RBFOX1: variants seen among roughly 807,000 people sequenced by gnomAD.
The protein encoded by RBFOX1 is RNA binding fox-1 homolog 1.
Under a neutral mutation model 57.7 loss-of-function variants are expected in RBFOX1, and 8 were observed. The observed-to-expected ratio is 0.14, with a 90% confidence interval of 0.08 to 0.25. The LOEUF is 0.25. RBFOX1 is among the 10% of genes least tolerant of loss of function. RBFOX1 has a pLI of 1.00. For missense variants in RBFOX1, 611 were observed against 548.5 expected, an observed-to-expected ratio of 1.11 and a Z score of -1.14; for synonymous variants, 326 against 222.4, an observed-to-expected ratio of 1.47 and a Z score of -4.15.
rs547440083 is a variant in RBFOX1 at position 6,426,250 on chromosome 16, T to A, written c.-64+109193T>A. On this transcript the variant is annotated intron_variant, in intron 2 of 15. Coordinates refer to ENST00000550418, the MANE Select transcript of RBFOX1 (RefSeq NM_018723.4). Reference sequence around the variant, plus strand: ...CAATAGACAAACATAGAAAGGCAGGTTCAAAAACAGATGGGGAGATGAAGA... The same window carrying A: ...CAATAGACAAACATAGAAAGGCAGGATCAAAAACAGATGGGGAGATGAAGA... Among the ~76,000 whole-genome samples the A allele has an allele frequency of 2.0e-5, 3 of 151,030 alleles. No individual in the cohort carries two copies. The South Asian group carries it at 6.3e-4, about 32-fold the overall frequency.
intron 1 of RBFOX1, among the ~76,000 whole-genome samples, chr16:6,244,621 TG>T (rs2097559115): frequency 6.6e-6 from 1 of 152,204 alleles, no homozygotes; most frequent in African/African-American, 2.4e-5. Context: ...GCAATTCTCC[TG>T]CCTCAGCCTC....
intron 2 of RBFOX1, among the ~76,000 whole-genome samples, chr16:6,373,503 T>C (rs928351175): frequency 1.2e-4 from 18 of 150,946 alleles, no homozygotes; most frequent in Admixed American, 2.6e-4. Flanking sequence ...GGAGATTCAG[T>C]GGAAATGTAT....
At chr16:6,567,600 G>A (rs552063397) in intron 2 of RBFOX1, among the ~76,000 whole-genome samples, 1 of 152,202 alleles carries the variant, frequency 6.6e-6, no homozygotes, top group South Asian at 2.1e-4. Flanking sequence ...GTCCACTTGA[G>A]AACAAAGGAA....
At chr16:7,654,007 C>T (rs905065679) in intron 12 of RBFOX1, 60 bp downstream of exon 12, 30 of 1,434,506 alleles carry the variant, frequency 2.1e-5, no homozygotes, top group Non-Finnish European at 2.7e-5. Context: ...CCCAGAGGCA[C>T]GGAGCTGTTT....
At chr16:5,634,901 A>G (rs2048632287) in intron 3 of RBFOX1, among the ~76,000 whole-genome samples, 1 of 152,214 alleles carries the variant, frequency 6.6e-6, no homozygotes, top group African/African-American at 2.4e-5. Context: ...TTATATGTCT[A>G]TTCCAGGACG....
intron 2 of RBFOX1, among the ~76,000 whole-genome samples, chr16:6,492,343 G>T (rs932387717): frequency 3.4e-4 from 51 of 152,192 alleles, no homozygotes; most frequent in African/African-American, 1.2e-3. Context: ...GCCAAGGAAG[G>T]AGGATCATGA....
chr16:6,438,275 C>T (rs916513748), intron 2 of RBFOX1, among the ~76,000 whole-genome samples: 22 of 152,154 alleles, frequency 1.4e-4, no homozygotes, highest in African/African-American at 5.1e-4. Flanking sequence ...AAATTGTATC[C>T]TGAGAGAAAC....
chr16:6,635,424 C>T (rs2098423651), intron 2 of RBFOX1, among the ~76,000 whole-genome samples: 3 of 151,952 alleles, frequency 2.0e-5, no homozygotes, highest in Admixed American at 2.0e-4. Flanking sequence ...AGACTTGGTG[C>T]CACAAGGAAC....
At chr16:6,300,017 C>G (rs927453245) in intron 1 of RBFOX1, among the ~76,000 whole-genome samples, 1 of 152,190 alleles carries the variant, frequency 6.6e-6, no homozygotes, top group African/African-American at 2.4e-5. Flanking sequence ...CTTCAAAAGA[C>G]AAGGACATTC....
intron 3 of RBFOX1, among the ~76,000 whole-genome samples, chr16:6,916,610 A>G (rs1456197076): frequency 6.6e-6 from 1 of 152,154 alleles, no homozygotes; most frequent in Non-Finnish European, 1.5e-5. Flanking sequence ...TCCATCTTGC[A>G]ACGCTATTGG....
In RBFOX1 at chr16:5,820,910, C is replaced by T. The variant is rs139229823; in HGVS notation, c.319-46393C>T. On this transcript the variant is annotated intron_variant, in intron 3 of 19. Transcript: ENST00000641259. ...GATTGATGGTTTTCCCAACCTCAGG[C>T]TCCACAATGCCACACGTTTAAGGGG... 3.8e-3 allele frequency among the ~76,000 whole-genome samples: 585 copies of T among 152,292 alleles called. 6 individuals are homozygous for T. Among genetic ancestry groups the T allele is most frequent in the African/African-American group, 0.013 (553 of 41,560 alleles).
At chr16:7,240,612 T>C (rs2094006693) in intron 4 of RBFOX1, among the ~76,000 whole-genome samples, 1 of 152,158 alleles carries the variant, frequency 6.6e-6, no homozygotes, top group Admixed American at 6.5e-5. Flanking sequence ...TGGAGTACAG[T>C]GGTATGATCA....
At chr16:6,978,105 T>C (rs2087608231) in intron 3 of RBFOX1, among the ~76,000 whole-genome samples, 1 of 151,738 alleles carries the variant, frequency 6.6e-6, no homozygotes, top group African/African-American at 2.4e-5. Flanking sequence ...CAGCTGACTT[T>C]GCAGGCTCCA....
intron 4 of RBFOX1, among the ~76,000 whole-genome samples, chr16:5,908,575 A>T (rs944862429): frequency 1.1e-4 from 17 of 151,840 alleles, no homozygotes; most frequent in Admixed American, 9.2e-4. Flanking sequence ...CTGGTCTCGA[A>T]CTCCTGACCT....
chr16:7,313,080 G>T (rs1182947974), intron 4 of RBFOX1, among the ~76,000 whole-genome samples: 1 of 152,050 alleles, frequency 6.6e-6, no homozygotes, highest in East Asian at 1.9e-4. Flanking sequence ...AAAAGAAAGG[G>T]GTGTGGGACT....
At chr16:5,925,696 A>G (rs1000765636) in intron 4 of RBFOX1, among the ~76,000 whole-genome samples, 6 of 152,176 alleles carry the variant, frequency 3.9e-5, no homozygotes, top group Admixed American at 2.0e-4. Flanking sequence ...ATTATGTTAT[A>G]CTGAAATATA....
chr16:6,027,871 G>A lies in RBFOX1; in HGVS notation c.-127+7879G>A, dbSNP rs550199898. Among the ~76,000 whole-genome samples the A allele has an allele frequency of 2.0e-5, 3 of 152,320 alleles. No homozygotes were observed. The East Asian group carries it at 5.8e-4, about 29-fold the overall frequency. ...TAGCTGCAAATGTACGGTTGAGATC[G>A]TTGACAGACTTGAGGCCCTGTGTGG... On this transcript the variant is annotated intron_variant, in intron 1 of 15. Coordinates refer to ENST00000550418, the MANE Select transcript of RBFOX1 (RefSeq NM_018723.4).
chr16:6,920,440 G>A lies in RBFOX1; in HGVS notation c.-15-131617G>A, dbSNP rs573865136. On this transcript the variant is annotated intron_variant, in intron 3 of 15. Transcript: ENST00000550418. ...CTCAGCTTATAAATGGCTTGTTTAA[G>A]TTGATACGAAAAAGTTAGATGTGTC... Among the ~76,000 whole-genome samples, 15 of 152,250 alleles carry A rather than the reference G, an allele frequency of 9.9e-5. No homozygotes were observed. In the South Asian group the frequency reaches 2.3e-3, roughly 23 times the overall value.
At chr16:5,729,400 T>TTTC (rs1555511026) in intron 3 of RBFOX1, among the ~76,000 whole-genome samples, 2 of 82,526 alleles carry the variant, frequency 2.4e-5, no homozygotes, top group African/African-American at 1.6e-4. Flanking sequence ...TCTTTTCTTT[T>TTTC]TTTTTTTTTT....
Sources: gnomAD v4.1 joint callset for allele counts (sites outside exome capture counted in the v4.1 genomes callset) on GRCh38, gnomAD v4.1.1 for gene constraint, MANE v1.5 for transcripts, NCBI Gene and HGNC (gene_info 2026-07-23, HGNC 2026-07-21) for gene names.